The following SRGAP3 variants were observed in gnomAD, a reference collection of about 807,000 sequenced individuals.
SRGAP3 encodes the protein SLIT-ROBO Rho GTPase activating protein 3, also known as SLIT-ROBO Rho GTPase-activating protein 3.
A neutral mutation model predicts 121.1 loss-of-function variants in SRGAP3; 39 were observed. That is an observed-to-expected ratio of 0.32 (90% CI 0.25 to 0.42). The LOEUF (loss-of-function observed/expected upper bound fraction) is 0.42. Among genes scored for constraint, SRGAP3 ranks in the 10% least tolerant of loss-of-function variants. The pLI is 1.00. For missense variants in SRGAP3, 1,213 were observed against 1,470.6 expected (o/e 0.82, Z 2.86); for synonymous variants, 601 against 570.0 (o/e 1.05, Z -0.77).
chr3:9,234,283 G>A (rs1953325532), intron 1 of SRGAP3, among the ~76,000 whole-genome samples: 1 of 152,082 alleles, frequency 6.6e-6, no homozygotes, highest in African/African-American at 2.4e-5. Context: ...AGATCTTTGG[G>A]AGACCCAAAA....
chr3:9,126,095 A>G (rs1416897631), intron 1 of SRGAP3, among the ~76,000 whole-genome samples: 1 of 152,168 alleles, frequency 6.6e-6, no homozygotes, highest in Non-Finnish European at 1.5e-5. Flanking sequence ...AAGACACCCC[A>G]CAGGGTATGC....
chr3:9,165,554 G>C (rs1430701728), intron 1 of SRGAP3, among the ~76,000 whole-genome samples: 2 of 152,174 alleles, frequency 1.3e-5, no homozygotes, highest in South Asian at 2.1e-4. Context: ...CCAGGGTTCT[G>C]ATCACGTCAC....
chr3:9,201,959 G>A (rs1320401494), intron 1 of SRGAP3, among the ~76,000 whole-genome samples: 1 of 152,120 alleles, frequency 6.6e-6, no homozygotes, highest in Non-Finnish European at 1.5e-5. Context: ...GAATGGCAAG[G>A]ATAGGCTTCA....
intron 11 of SRGAP3, chr3:9,036,729 A>C (rs1043017776): frequency 2.0e-5 from 3 of 152,222 alleles, no homozygotes; most frequent in Non-Finnish European, 4.4e-5. Flanking sequence ...AGTGAGGGAC[A>C]GCTCAATTCA....
intron 1 of SRGAP3, among the ~76,000 whole-genome samples, chr3:9,175,732 A>C (rs969105924): frequency 1.3e-5 from 2 of 152,216 alleles, no homozygotes; most frequent in Non-Finnish European, 2.9e-5. Context: ...CCATCAACGG[A>C]AATCAACACT....
intron 1 of SRGAP3, among the ~76,000 whole-genome samples, chr3:9,174,037 C>CA (rs1438238063): frequency 6.6e-6 from 1 of 152,152 alleles, no homozygotes; most frequent in Non-Finnish European, 1.5e-5. Context: ...CACAGTGGGG[C>CA]ACAACTCAGC....
chr3:9,283,001 A>G (rs1574969974), intron 3 of SRGAP3, among the ~76,000 whole-genome samples: 2 of 150,946 alleles, frequency 1.3e-5, no homozygotes, highest in South Asian at 4.2e-4. Flanking sequence ...CAATGGCAGG[A>G]TCTCGGTTCA....
chr3:9,255,087 G>T (rs1458837723), intron 3 of SRGAP3, among the ~76,000 whole-genome samples: 1 of 152,204 alleles, frequency 6.6e-6, no homozygotes, highest in Non-Finnish European at 1.5e-5. Context: ...GTACAACATT[G>T]TGAATGGGCT....
At chr3:9,265,078 C>A (rs1279853217) in intron 3 of SRGAP3, among the ~76,000 whole-genome samples, 1 of 152,198 alleles carries the variant, frequency 6.6e-6, no homozygotes, top group African/African-American at 2.4e-5. Flanking sequence ...CACACATCTA[C>A]AACCATCTGA....
intron 3 of SRGAP3, chr3:9,293,059 A>C (rs555288152): frequency 1.1e-3 from 133 of 126,552 alleles, no homozygotes; most frequent in African/African-American, 3.5e-3. Flanking sequence ...GAAAAAAAAA[A>C]CCCACCCACT....
chr3:9,359,411 A>G (rs1451909445), intron 1 of SRGAP3, among the ~76,000 whole-genome samples: 2 of 152,086 alleles, frequency 1.3e-5, no homozygotes, highest in Non-Finnish European at 2.9e-5. Flanking sequence ...AATTCCCTGC[A>G]CTCCCTCTGA....
intron 2 of SRGAP3, among the ~76,000 whole-genome samples, chr3:9,120,393 A>C (rs1253630339): frequency 6.6e-6 from 1 of 152,218 alleles, no homozygotes; most frequent in Non-Finnish European, 1.5e-5. Flanking sequence ...ACCAACTACC[A>C]GGCCTCCCCA....
At chr3:9,311,730 T>C (rs970948564) in intron 3 of SRGAP3, among the ~76,000 whole-genome samples, 3 of 152,218 alleles carry the variant, frequency 2.0e-5, no homozygotes, top group African/African-American at 7.2e-5. Context: ...CAGGCTGCGT[T>C]TGGCCTGCAG....
intron 1 of SRGAP3, among the ~76,000 whole-genome samples, chr3:9,141,746 C>G (rs1187019206): frequency 6.6e-6 from 1 of 152,146 alleles, no homozygotes; most frequent in Non-Finnish European, 1.5e-5. Flanking sequence ...TTTTATGGTG[C>G]ACATCAAGCA....
chr3:9,240,159 A>C (rs1218157675), intron 1 of SRGAP3, among the ~76,000 whole-genome samples: 2 of 152,192 alleles, frequency 1.3e-5, no homozygotes, highest in African/African-American at 4.8e-5. Flanking sequence ...AACCAATTTA[A>C]AGGAATACTC....
chr3:9,037,137 G>C (rs1944784846), intron 11 of SRGAP3: 1 of 152,160 alleles, frequency 6.6e-6, no homozygotes, highest in Non-Finnish European at 1.5e-5. Flanking sequence ...CAGGATTTGG[G>C]GCCACTGGAA....
intron 12 of SRGAP3, among the ~76,000 whole-genome samples, chr3:9,028,740 C>G: frequency 6.6e-6 from 1 of 152,148 alleles, no homozygotes; most frequent in Admixed American, 6.5e-5. Context: ...TGCCGTACAC[C>G]CTAAGTTGCT....
intron 1 of SRGAP3, among the ~76,000 whole-genome samples, chr3:9,346,304 G>A (rs1280481565): frequency 1.3e-5 from 2 of 152,032 alleles, no homozygotes; most frequent in Non-Finnish European, 2.9e-5. Flanking sequence ...GAGTGCAGTG[G>A]TGAAATCATA....
chr3:8,992,795 A>G (rs2124938208), intron 20 of SRGAP3, 111 bp downstream of exon 20: 1 of 1,590,456 alleles, frequency 6.3e-7, no homozygotes. Flanking sequence ...TTTTGTGGGG[A>G]ACAAGGGGCT....
Sources: allele counts gnomAD v4.1 joint callset (sites outside exome capture counted in the v4.1 genomes callset), GRCh38; gene constraint gnomAD v4.1.1; transcripts MANE v1.5; gene names NCBI Gene and HGNC (gene_info 2026-07-23, HGNC 2026-07-21).